Variants in RSRC1 observed in about 807,000 individuals in gnomAD.
RSRC1 encodes the protein serine/Arginine-related protein 53.
A neutral mutation model predicts 49.1 loss-of-function variants in RSRC1; 39 were observed. The observed-to-expected ratio is 0.79, with a 90% CI of 0.61 to 1.04. The LOEUF is 1.04. Ranked by LOEUF, RSRC1 falls within the 50% of genes least tolerant of loss-of-function variation. The probability of loss-of-function intolerance (pLI) is 0.00; values close to 1 mark genes in which losing one functional copy is unlikely to be tolerated. For missense variants in RSRC1, 388 were observed against 402.4 expected (o/e 0.96, Z 0.31); for synonymous variants, 143 against 130.8 (o/e 1.09, Z -0.63).
At chr3:158,291,572 G>T (rs1343695321) in intron 4 of RSRC1, among the ~76,000 whole-genome samples, 1 of 152,158 alleles carries the variant, frequency 6.6e-6, no homozygotes, top group African/African-American at 2.4e-5. Flanking sequence ...AGGGAATGAT[G>T]AGAAAAATTG....
At chr3:158,196,011 G>A (rs1388890745) in intron 3 of RSRC1, among the ~76,000 whole-genome samples, 9 of 152,108 alleles carry the variant, frequency 5.9e-5, no homozygotes, top group Non-Finnish European at 1.0e-4. Flanking sequence ...GAGCTTTAAA[G>A]TAGTTTTTTT....
At chr3:158,177,826 A>G (rs1445162120) in intron 3 of RSRC1, among the ~76,000 whole-genome samples, 4 of 152,182 alleles carry the variant, frequency 2.6e-5, no homozygotes, top group African/African-American at 2.4e-5. Flanking sequence ...CATTTGCAAT[A>G]TAACTTTATA....
At chr3:158,364,939 G>A (rs1282104578) in intron 6 of RSRC1, among the ~76,000 whole-genome samples, 2 of 151,484 alleles carry the variant, frequency 1.3e-5, no homozygotes, top group African/African-American at 4.8e-5. Context: ...GTACCTTATA[G>A]AGATTTATAA....
chr3:158,515,286 C>G (rs904859974), intron 7 of RSRC1, among the ~76,000 whole-genome samples: 5 of 151,178 alleles, frequency 3.3e-5, no homozygotes, highest in Non-Finnish European at 5.9e-5. Context: ...TCTTTTAGGG[C>G]AGGCCTGGTG....
intron 6 of RSRC1, among the ~76,000 whole-genome samples, chr3:158,389,569 A>G (rs1418559381): frequency 1.3e-5 from 2 of 152,224 alleles, no homozygotes; most frequent in Non-Finnish European, 2.9e-5. Flanking sequence ...TGCCCTAAGT[A>G]AATTATCTTC....
chr3:158,337,761 C>A (rs1239788820), intron 5 of RSRC1, among the ~76,000 whole-genome samples: 3 of 152,158 alleles, frequency 2.0e-5, no homozygotes, highest in Non-Finnish European at 4.4e-5. Context: ...GCTATGCTAT[C>A]GATTCTCCTA....
At chr3:158,296,842 G>A (rs1483031366) in intron 4 of RSRC1, among the ~76,000 whole-genome samples, 1 of 151,958 alleles carries the variant, frequency 6.6e-6, no homozygotes, top group African/African-American at 2.4e-5. Flanking sequence ...CAGTAGAAGT[G>A]GGAATTTACT....
chr3:158,178,131 TTTTTG>T (rs1225800746), intron 3 of RSRC1, among the ~76,000 whole-genome samples: 9 of 152,270 alleles, frequency 5.9e-5, no homozygotes, highest in Non-Finnish European at 1.2e-4. Flanking sequence ...GTTTGTTTGT[TTTTTG>T]TTTTAAGACA....
At chr3:158,326,564 A>T (rs1202933268) in intron 5 of RSRC1, among the ~76,000 whole-genome samples, 1 of 152,122 alleles carries the variant, frequency 6.6e-6, no homozygotes, top group African/African-American at 2.4e-5. Flanking sequence ...CCAGCCTTGC[A>T]TCGTAGGGAT....
At chr3:158,193,047 C>A (rs1720336988) in intron 3 of RSRC1, among the ~76,000 whole-genome samples, 1 of 152,070 alleles carries the variant, frequency 6.6e-6, no homozygotes, top group Non-Finnish European at 1.5e-5. Flanking sequence ...CAGTTAACTT[C>A]TTTCCTAGTG....
At chr3:158,459,532 G>A (rs1737511286) in intron 6 of RSRC1, among the ~76,000 whole-genome samples, 1 of 151,992 alleles carries the variant, frequency 6.6e-6, no homozygotes, top group Admixed American at 6.6e-5. Flanking sequence ...CATAAGCTGA[G>A]CATTTTACAT....
At chr3:158,498,404 A>G (rs771952683) in intron 7 of RSRC1, among the ~76,000 whole-genome samples, 4 of 151,808 alleles carry the variant, frequency 2.6e-5, no homozygotes, top group Admixed American at 1.3e-4. Context: ...CCACTTTTTG[A>G]TGGCATTGTT....
intron 3 of RSRC1, chr3:158,132,072 C>G (rs747077376): frequency 1.1e-5 from 5 of 435,812 alleles, no homozygotes; most frequent in African/African-American, 2.0e-5. Flanking sequence ...TAGCCTTTAC[C>G]TCCTTCACTC....
intron 6 of RSRC1, among the ~76,000 whole-genome samples, chr3:158,374,805 T>G (rs1732267366): frequency 6.6e-6 from 1 of 152,180 alleles, no homozygotes; most frequent in Admixed American, 6.5e-5. Context: ...CTTTTTAATT[T>G]TTTTAAATAC....
intron 6 of RSRC1, among the ~76,000 whole-genome samples, chr3:158,411,368 T>C (rs1225013070): frequency 6.6e-6 from 1 of 152,136 alleles, no homozygotes; most frequent in African/African-American, 2.4e-5. Context: ...TACTAGGCAA[T>C]GTCAAATTTT....
intron 7 of RSRC1, among the ~76,000 whole-genome samples, chr3:158,536,694 A>T (rs1712732275): frequency 6.6e-6 from 1 of 151,452 alleles, no homozygotes; most frequent in Non-Finnish European, 1.5e-5. Context: ...CACCCAAAAA[A>T]ATTGAGGTGG....
chr3:158,432,749 T>C (rs1735835715), intron 6 of RSRC1, among the ~76,000 whole-genome samples: 1 of 152,008 alleles, frequency 6.6e-6, no homozygotes. Context: ...GCATATTGCA[T>C]GTCACATATT....
At chr3:158,301,412 C>G (rs1412909508) in intron 5 of RSRC1, among the ~76,000 whole-genome samples, 5 of 152,068 alleles carry the variant, frequency 3.3e-5, no homozygotes, top group Non-Finnish European at 7.4e-5. Context: ...ATCTATTTAT[C>G]AGGAGTAAGG....
chr3:158,161,625 A>G (rs1356916838), intron 3 of RSRC1, among the ~76,000 whole-genome samples: 9 of 152,012 alleles, frequency 5.9e-5, no homozygotes, highest in African/African-American at 2.2e-4. Flanking sequence ...AGCTGGCAGT[A>G]ACGGCACAAG....
Sources: allele counts gnomAD v4.1 joint callset (sites outside exome capture counted in the v4.1 genomes callset), GRCh38; gene constraint gnomAD v4.1.1; transcripts MANE v1.5; gene names NCBI Gene and HGNC (gene_info 2026-07-23, HGNC 2026-07-21).